MAP3K2: variants seen among roughly 807,000 people sequenced by gnomAD.
MAP3K2 encodes mitogen-activated protein kinase kinase kinase 2.
In MAP3K2, 24 loss-of-function variants were observed where a neutral mutation model predicts 80.3. That is an observed-to-expected ratio of 0.30 (90% confidence interval 0.22 to 0.42). The LOEUF is 0.42. MAP3K2 is among the 10% of genes least tolerant of loss of function. MAP3K2 has a pLI of 1.00. For missense variants in MAP3K2, 608 were observed against 750.1 expected (o/e 0.81, Z 2.21); for synonymous variants, 244 against 253.7 (o/e 0.96, Z 0.36).
At chr2:127,319,997 T>C (rs749633992) in intron 12 of MAP3K2, among the ~76,000 whole-genome samples, 3 of 152,188 alleles carry the variant, frequency 2.0e-5, no homozygotes, top group Admixed American at 1.3e-4. Context: ...ACTAGACTGA[T>C]TGACTTAGCT....
At chr2:127,337,508 T>A (rs1490108354) in intron 4 of MAP3K2, among the ~76,000 whole-genome samples, 2 of 152,228 alleles carry the variant, frequency 1.3e-5, no homozygotes, top group Non-Finnish European at 2.9e-5. Context: ...AGTGATCTTA[T>A]TTATCTCTGA....
At chr2:127,368,295 C>G (rs986238786) in intron 1 of MAP3K2, among the ~76,000 whole-genome samples, 1 of 151,818 alleles carries the variant, frequency 6.6e-6, no homozygotes, top group African/African-American at 2.4e-5. Context: ...GCACTCCAGC[C>G]TGGGTGACAG....
At chr2:127,388,308 A>G (rs1219165469), upstream of MAP3K2, 1 of 985,368 alleles carries the variant, frequency 1.0e-6, no homozygotes, top group African/African-American at 1.7e-5. Context: ...GATCCCGTGA[A>G]AAGGTCTCCC....
intron 1 of MAP3K2, among the ~76,000 whole-genome samples, chr2:127,366,872 T>TTG (rs1553519022): frequency 3.1e-5 from 4 of 129,750 alleles, no homozygotes; most frequent in Non-Finnish European, 4.7e-5. Context: ...AAGGGTTTTT[T>TTG]TTTTTTTTTT....
chr2:127,353,618 G>T (rs577252622), intron 1 of MAP3K2, among the ~76,000 whole-genome samples: 1,797 of 150,398 alleles, frequency 0.012, 44 homozygotes, highest in African/African-American at 0.042. Flanking sequence ...GGAGGGAGGT[G>T]GGGGGGGTCA....
At position 127,339,404 on chromosome 2, in the gene MAP3K2, A is replaced by G. The variant is rs528456683; in HGVS notation, c.5-354T>C. 8.6e-5 allele frequency among the ~76,000 whole-genome samples: 13 copies of G among 151,460 alleles called. No individual in the cohort carries two copies. The highest frequency in any genetic ancestry group is 7.7e-4 in the East Asian group (4 of 5,176). On this transcript the variant is annotated intron_variant, in intron 2 of 16. Transcript: ENST00000682094. This position sits in a 1 kb window ranked among gnomAD's most constrained non-coding sequence, Gnocchi z 4.2. ...ATCTAAAATGTTTTAAAAAGTAGGG[A>G]AAAAAAAATAAACAACTTTGTATAA...
intron 1 of MAP3K2, among the ~76,000 whole-genome samples, chr2:127,355,638 G>GGGT (rs1274942004): frequency 6.0e-4 from 91 of 152,266 alleles, no homozygotes; most frequent in African/African-American, 2.2e-3. Flanking sequence ...TGACTGATAA[G>GGGT]GGTGGTGGTG....
chr2:127,370,633 T>A (rs1315318601), intron 1 of MAP3K2, among the ~76,000 whole-genome samples: 1 of 152,224 alleles, frequency 6.6e-6, no homozygotes, highest in Non-Finnish European at 1.5e-5. Context: ...CAAACTGTTG[T>A]ATCCCATAAC....
At chr2:127,370,941 C>T (rs920247736) in intron 1 of MAP3K2, among the ~76,000 whole-genome samples, 10 of 152,136 alleles carry the variant, frequency 6.6e-5, no homozygotes, top group Non-Finnish European at 1.2e-4. Flanking sequence ...GAAGAAAAGA[C>T]AAGGGATATG....
chr2:127,318,352 A>C, intron 12 of MAP3K2, 35 bp from the exon 13 acceptor site: 1 of 1,521,984 alleles, frequency 6.6e-7, no homozygotes, highest in South Asian at 1.4e-5. Flanking sequence ...TGAAATATCA[A>C]ACAGCACACA....
chr2:127,335,636 A>G (rs1216964717), intron 5 of MAP3K2, among the ~76,000 whole-genome samples: 2 of 152,230 alleles, frequency 1.3e-5, no homozygotes, highest in Non-Finnish European at 2.9e-5. Context: ...AGTAATACAT[A>G]TATTTTCCCC....
intron 1 of MAP3K2, among the ~76,000 whole-genome samples, chr2:127,367,600 G>A (rs1024318250): frequency 5.9e-5 from 9 of 151,856 alleles, no homozygotes; most frequent in African/African-American, 4.8e-5. Flanking sequence ...TGAGACCAGC[G>A]TGGCCAACAT....
At position 127,387,837 on chromosome 2, in the gene MAP3K2, C is replaced by T; in HGVS notation, c.-451G>A. 9.1e-6 allele frequency: 9 copies of T among 985,052 alleles called. No homozygotes were observed. Among genetic ancestry groups the T allele is most frequent in the Non-Finnish European group, 1.1e-5 (9 of 829,760 alleles). 61.0% of individuals were successfully genotyped at this position (985,052 alleles called of 1,614,324 possible). ...GTGGCGACTCTGCGGACAGGGGCGC[C>T]GAGCGTCCTGGTCGTTGTTTTCGTC... is the stretch of plus-strand genomic sequence containing the variant. On this transcript the variant is annotated 5_prime_UTR_variant, in exon 1 of 17. Coordinates refer to ENST00000682094, the MANE Select transcript of MAP3K2 (RefSeq NM_001371910.2).
rs1686533295 is a variant in MAP3K2, at chr2:127,343,199, G to C, written c.-65-5C>G. ...CCCATCAGCATTCTTTATGGCCTGA[G>C]AAGATAAAACAGATCAGCATATTAA... On this transcript the variant is annotated splice_polypyrimidine_tract_variant and splice_region_variant and intron_variant, in intron 1 of 16. Transcript: ENST00000682094. The C allele has an allele frequency of 8.3e-7, 1 of 1,203,534 alleles. No individual in the cohort carries two copies. The highest frequency in any genetic ancestry group is 1.2e-6 in the Non-Finnish European group (1 of 846,642). 74.6% of individuals were successfully genotyped at this position (1,203,534 alleles called of 1,614,324 possible).
In MAP3K2 at chr2:127,317,767, G is replaced by A. The variant is rs534219480; in HGVS notation, c.1195-7C>T. The stretch of plus-strand genomic sequence containing the variant: ...ACTCAAGTGCATTTACTTCCTGAAA[G>A]AGAGAATTCATTGTTAAGTCTTCAA... On this transcript the variant is annotated splice_region_variant and splice_polypyrimidine_tract_variant and intron_variant, in intron 13 of 16. Coordinates refer to ENST00000682094, the MANE Select transcript of MAP3K2 (RefSeq NM_001371910.2). 6.3e-7 allele frequency: 1 copy of A among 1,596,848 alleles called. No homozygotes were observed. The highest frequency in any genetic ancestry group is 2.2e-5 in the East Asian group (1 of 44,534).
chr2:127,387,502 C>A lies in MAP3K2; in HGVS notation c.-116G>T. ...GCCGCAGGCCCAAGGAGGGGCCGCCCCCGCCGAGCCCGCCCCTCCGCCCCA... is the reference window on the plus strand; with the variant it reads ...GCCGCAGGCCCAAGGAGGGGCCGCCACCGCCGAGCCCGCCCCTCCGCCCCA... On this transcript the variant is annotated 5_prime_UTR_variant, in exon 1 of 17. Coordinates refer to ENST00000682094, the MANE Select transcript of MAP3K2 (RefSeq NM_001371910.2). 1.0e-6 allele frequency: 1 copy of A among 984,978 alleles called. No homozygotes were observed. The highest frequency in any genetic ancestry group is 1.7e-5 in the African/African-American group (1 of 57,268). The allele number at this position is 984,978 out of a possible 1,614,324, so 61.0% of individuals were successfully genotyped here. A position where few individuals can be genotyped will look rare whatever the true frequency, so the allele number is the denominator to read the frequency against.
intron 5 of MAP3K2, among the ~76,000 whole-genome samples, chr2:127,330,997 A>G (rs1410795189): frequency 6.6e-6 from 1 of 152,156 alleles, no homozygotes; most frequent in South Asian, 2.1e-4. Context: ...GCTGCCATGG[A>G]GGGGTACCAC....
At chr2:127,323,742 G>A (rs1013856089) in intron 11 of MAP3K2, among the ~76,000 whole-genome samples, 160 bp downstream of exon 11, 2 of 152,174 alleles carry the variant, frequency 1.3e-5, no homozygotes, top group Non-Finnish European at 2.9e-5. Flanking sequence ...CTTATAAGTT[G>A]TCATAAAGCC....
chr2:127,316,267 G>A (rs541957034), intron 14 of MAP3K2, among the ~76,000 whole-genome samples: 59 of 151,636 alleles, frequency 3.9e-4, no homozygotes, highest in Non-Finnish European at 7.2e-4. Flanking sequence ...CCAGCTACAC[G>A]GGAGGCTGAG....
Sources: allele counts gnomAD v4.1 joint callset (sites outside exome capture counted in the v4.1 genomes callset), GRCh38; gene constraint gnomAD v4.1.1; non-coding constraint Gnocchi (gnomAD v3.1); transcripts MANE v1.5; gene names NCBI Gene and HGNC (gene_info 2026-07-23, HGNC 2026-07-21).